ADGRA3: variants seen among roughly 807,000 people sequenced by gnomAD.
ADGRA3 encodes the protein adhesion G protein-coupled receptor A3.
ADGRA3 carries 56 observed loss-of-function variants against 119.8 expected under a neutral mutation model. The ratio of observed to expected loss-of-function variants is 0.47; its 90% CI spans 0.38 to 0.58. The LOEUF (loss-of-function observed/expected upper bound fraction) is 0.58. ADGRA3 is among the 20% of genes least tolerant of loss of function. The pLI is 0.00. For missense variants in ADGRA3, 1,516 were observed against 1,649.0 expected, an observed-to-expected ratio of 0.92 and a Z score of 1.40; for synonymous variants, 607 against 623.8, an observed-to-expected ratio of 0.97 and a Z score of 0.40.
intron 11 of ADGRA3, 84 bp downstream of exon 11, chr4:22,424,107 T>C (rs1715828010): frequency 8.7e-7 from 1 of 1,143,502 alleles, no homozygotes; most frequent in East Asian, 2.5e-5. Flanking sequence ...CACCCCATAA[T>C]GGAGAAGACA....
chr4:22,430,679 T>G (rs6831918), intron 10 of ADGRA3, among the ~76,000 whole-genome samples: 100,597 of 151,412 alleles, frequency 0.66, 34,178 homozygotes, highest in Non-Finnish European at 0.74. Flanking sequence ...TCCCATTTTC[T>G]GTGGAGAAAT....
At chr4:22,440,605 C>T (rs190280218) in intron 7 of ADGRA3, among the ~76,000 whole-genome samples, 3 of 152,062 alleles carry the variant, frequency 2.0e-5, no homozygotes, top group Admixed American at 2.0e-4. Flanking sequence ...TTTTGCATTG[C>T]TAAACATAAT....
intron 10 of ADGRA3, among the ~76,000 whole-genome samples, chr4:22,427,462 A>G (rs1392816667): frequency 1.5e-5 from 2 of 131,434 alleles, no homozygotes; most frequent in South Asian, 4.3e-4. Context: ...TAATAATTAT[A>G]AAAAAAAAAA....
intron 6 of ADGRA3, chr4:22,443,173 C>G: frequency 1.6e-6 from 1 of 630,592 alleles, no homozygotes; most frequent in South Asian, 1.8e-5. Flanking sequence ...AAAATGGCAT[C>G]AGTGATAAGT....
At chr4:22,497,132 T>G (rs907011358) in intron 1 of ADGRA3, among the ~76,000 whole-genome samples, 1 of 152,016 alleles carries the variant, frequency 6.6e-6, no homozygotes, top group Non-Finnish European at 1.5e-5. Context: ...CAACAGAGGG[T>G]TGACAGGGAA....
rs145722811 is a variant in ADGRA3 at position 22,388,818 on chromosome 4, C to T, written c.2853G>A (p.Glu951=). ...GTTGCTCCTCCGTGGGCTCCTTAAG[C>T]TCATATTTGCGCTCAGGGTGTCTTT... ...QLKRHPERKY[E]LKEPTEEQQR... Residue 951 remains glutamate (E), a synonymous_variant, in exon 19 of 19, where the codon GAG becomes GAA. Transcript: ENST00000334304. The T allele has an allele frequency of 2.5e-5, 40 of 1,613,950 alleles. No homozygotes were observed. Among genetic ancestry groups the T allele is most frequent in the Non-Finnish European group, 3.2e-5 (38 of 1,180,006 alleles).
chr4:22,436,355 T>TAAA (rs377154836), intron 9 of ADGRA3, 85 bp downstream of exon 9: 664 of 855,552 alleles, frequency 7.8e-4, no homozygotes, highest in Middle Eastern at 1.4e-3. Flanking sequence ...TGCCTAGTAT[T>TAAA]AAAAAAAAAA....
intron 1 of ADGRA3, 88 bp downstream of exon 1, chr4:22,515,440 G>A: frequency 6.8e-7 from 1 of 1,460,482 alleles, no homozygotes; most frequent in South Asian, 1.3e-5. Flanking sequence ...AAGGCGCGTG[G>A]GTGCCGGCTG....
At chr4:22,403,188 G>A (rs372396726) in intron 14 of ADGRA3, among the ~76,000 whole-genome samples, 2 of 151,964 alleles carry the variant, frequency 1.3e-5, no homozygotes, top group African/African-American at 4.8e-5. Flanking sequence ...GACACAATGA[G>A]AGCAGTATCT....
At chr4:22,436,397 G>T in intron 9 of ADGRA3, 43 bp downstream of exon 9, 11 of 1,439,430 alleles carry the variant, frequency 7.6e-6, no homozygotes, top group South Asian at 1.2e-5. Context: ...TGAATACCAT[G>T]TTTTCTCCAC....
rs73800938 is a variant in ADGRA3, at chr4:22,414,839, T to C, written c.1810-1025A>G. Among the ~76,000 whole-genome samples, 1,249 of 152,198 alleles carry C rather than the reference T, an allele frequency of 8.2e-3. 25 individuals are homozygous for C. The highest frequency in any genetic ancestry group is 0.045 in the East Asian group (234 of 5,174). ...ACCATGCTCACTGCACAGACCAGCA[T>C]CTCTACCTGAAATGCTCCACTATTC... is the stretch of plus-strand genomic sequence containing the variant. On this transcript the variant is annotated intron_variant, in intron 12 of 18. Coordinates refer to ENST00000334304, the MANE Select transcript of ADGRA3 (RefSeq NM_145290.4).
rs148010249 is a variant in ADGRA3 at position 22,487,097 on chromosome 4, C to T, written c.258-13254G>A. On this transcript the variant is annotated intron_variant, in intron 1 of 18. Transcript: ENST00000334304. ...GTCAACAGCATCTGCTCCACCACACCAGTCTCCCCCAACTGTTAACGCCTC... is the reference window on the plus strand; with the variant it reads ...GTCAACAGCATCTGCTCCACCACACTAGTCTCCCCCAACTGTTAACGCCTC... Among the ~76,000 whole-genome samples, 213 of 152,294 alleles carry T rather than the reference C, an allele frequency of 1.4e-3. 1 individual carries two copies. Among genetic ancestry groups the T allele is most frequent in the African/African-American group, 5.0e-3 (207 of 41,566 alleles).
chr4:22,505,280 G>C (rs1325534053), intron 1 of ADGRA3, among the ~76,000 whole-genome samples: 1 of 152,188 alleles, frequency 6.6e-6, no homozygotes, highest in Non-Finnish European at 1.5e-5. Context: ...AGAGCAAAAA[G>C]ACCCACCAGT....
chr4:22,445,081 G>C lies in ADGRA3; in HGVS notation c.598C>G (p.Arg200Gly), dbSNP rs191604615. The C allele has an allele frequency of 1.2e-6, 2 of 1,613,826 alleles. No individual in the cohort carries two copies. The highest frequency in any genetic ancestry group is 1.7e-6 in the Non-Finnish European group (2 of 1,179,810). ...LCDCNILWMH[R>G]WVKEKNITVR... is the part of the protein sequence containing the mutation. The stretch of plus-strand genomic sequence containing the variant: ...GTGATGTTCTTCTCCTTTACCCAGC[G>C]ATGCATCCACAGTATGTTACAGTCA... Residue 200 changes from arginine (R) to glycine (G), a missense_variant, in exon 6 of 19, where the codon CGC becomes GGC. Around this residue, in one of 2 missense-constraint regions of ADGRA3, gnomAD observed 428 missense variants for 541.9 expected, o/e 0.79. Transcript: ENST00000334304.
Position 22,413,372 on chromosome 4 carries a change from G to T in ADGRA3, c.2042C>A (p.Thr681Asn). The change falls in exon 14 of 19, where the codon ACC becomes AAC. Residue 681 changes from threonine (T) to asparagine (N), a missense_variant. By Grantham distance (65) the Thr-to-Asn change is moderately conservative (BLOSUM62 0). Transcript: ENST00000334304. ...LTKIDGVNVD[T>N]HHIPVNVTLR... ...TGTCACATTAACAGGGATGTGGTGG[G>T]TATCTACATTCACACCATCTGGAGA... The T allele has an allele frequency of 1.2e-6, 2 of 1,613,414 alleles. No homozygotes were observed. Among genetic ancestry groups the T allele is most frequent in the Non-Finnish European group, 1.7e-6 (2 of 1,179,408 alleles).
At position 22,413,883 on chromosome 4, in the gene ADGRA3, A is replaced by G. The variant is rs111478020; in HGVS notation, c.1810-69T>C. The G allele has an allele frequency of 6.3e-5, 64 of 1,012,256 alleles. No homozygotes were observed. The African/African-American group carries it at 8.5e-4, about 13-fold the overall frequency. The allele number at this position is 1,012,256 out of a possible 1,614,324, so 62.7% of individuals were successfully genotyped here. ...CATAGAAACCAGAAAAAAATATGTCAGATAGTTACAAAAGTGGTATAATTA... is the reference window on the plus strand; with the variant it reads ...CATAGAAACCAGAAAAAAATATGTCGGATAGTTACAAAAGTGGTATAATTA... On this transcript the variant is annotated intron_variant, in intron 12 of 18. Coordinates refer to ENST00000334304, the MANE Select transcript of ADGRA3 (RefSeq NM_145290.4).
At chr4:22,515,468 G>T in intron 1 of ADGRA3, 60 bp downstream of exon 1, 2 of 1,568,738 alleles carry the variant, frequency 1.3e-6, no homozygotes, top group South Asian at 1.1e-5. Context: ...CTCCAAAGTT[G>T]AGCGGAGAGA....
chr4:22,469,913 T>C (rs1018693492), intron 2 of ADGRA3, among the ~76,000 whole-genome samples: 13 of 152,308 alleles, frequency 8.5e-5, no homozygotes, highest in African/African-American at 3.1e-4. Flanking sequence ...CTCCCAAACT[T>C]GGTATCCTCT....
intron 1 of ADGRA3, among the ~76,000 whole-genome samples, chr4:22,493,313 C>A (rs1560344891): frequency 6.6e-6 from 1 of 152,098 alleles, no homozygotes; most frequent in Admixed American, 6.5e-5. Flanking sequence ...AACACTCAGG[C>A]AATAATTAAG....
Sources: allele counts gnomAD v4.1 joint callset (sites outside exome capture counted in the v4.1 genomes callset), GRCh38; gene constraint gnomAD v4.1.1; regional missense constraint gnomAD v4.1.1; transcripts MANE v1.5; gene names NCBI Gene and HGNC (gene_info 2026-07-23, HGNC 2026-07-21).